CDKN2B-AS1: variants seen among roughly 807,000 people sequenced by gnomAD.
The protein encoded by CDKN2B-AS1 is CDKN2B antisense RNA 1 (non-protein coding).
chr9:22,036,927 A>G (rs1432716960), intron 1 of CDKN2B-AS1, among the ~76,000 whole-genome samples: 2 of 152,024 alleles, frequency 1.3e-5, no homozygotes, highest in East Asian at 1.9e-4. Context: ...CCAGATGTAG[A>G]ATGGGATTGA....
At chr9:22,055,015 G>C (rs1823498970) in intron 3 of CDKN2B-AS1, among the ~76,000 whole-genome samples, 1 of 152,172 alleles carries the variant, frequency 6.6e-6, no homozygotes, top group Admixed American at 6.5e-5. Flanking sequence ...GCCTCCCAAA[G>C]TGCTGGGATT....
intron 1 of CDKN2B-AS1, chr9:22,008,827 C>A (rs954368735): frequency 6.2e-7 from 1 of 1,608,100 alleles, no homozygotes; most frequent in Admixed American, 1.7e-5. Flanking sequence ...AAACGGTTGA[C>A]TCCGTTGGGA....
chr9:22,028,326 G>T (rs377509340), intron 1 of CDKN2B-AS1, among the ~76,000 whole-genome samples: 2 of 151,928 alleles, frequency 1.3e-5, no homozygotes, highest in Non-Finnish European at 2.9e-5. Flanking sequence ...AAAAACCTTG[G>T]CAGAGTTAAA....
chr9:22,075,606 G>A (rs944120820), intron 4 of CDKN2B-AS1, among the ~76,000 whole-genome samples: 20 of 152,244 alleles, frequency 1.3e-4, no homozygotes, highest in South Asian at 1.2e-3. Flanking sequence ...GATGGGAAGC[G>A]CCAATCTATC....
At chr9:22,111,533 A>T (rs1044226589) in intron 4 of CDKN2B-AS1, among the ~76,000 whole-genome samples, 2 of 152,080 alleles carry the variant, frequency 1.3e-5, no homozygotes, top group Non-Finnish European at 2.9e-5. Flanking sequence ...TCTTTCTTAC[A>T]AGTGATCAGA....
intron 4 of CDKN2B-AS1, among the ~76,000 whole-genome samples, chr9:22,076,971 C>G (rs1017847196): frequency 6.6e-6 from 1 of 152,156 alleles, no homozygotes; most frequent in Non-Finnish European, 1.5e-5. Flanking sequence ...AGGCATGAGC[C>G]ATCATGCCTG....
intron 4 of CDKN2B-AS1, among the ~76,000 whole-genome samples, chr9:22,076,679 C>A (rs1236640201): frequency 6.6e-6 from 1 of 152,022 alleles, no homozygotes; most frequent in Non-Finnish European, 1.5e-5. Context: ...ACGCAATACA[C>A]CATTTTTATT....
chr9:22,122,387 A>G (rs1826121312), intron 4 of CDKN2B-AS1, among the ~76,000 whole-genome samples: 1 of 152,150 alleles, frequency 6.6e-6, no homozygotes, highest in East Asian at 1.9e-4. Flanking sequence ...GCTGTACAAA[A>G]GCTATTTGGA....
intron 4 of CDKN2B-AS1, among the ~76,000 whole-genome samples, chr9:22,115,682 TA>T (rs1318292834): frequency 6.6e-6 from 1 of 152,174 alleles, no homozygotes; most frequent in Admixed American, 6.5e-5. Context: ...GTGCTCCCAT[TA>T]AGGTTCTTCC....
rs202049593 is a variant in CDKN2B-AS1 at position 22,108,945 on chromosome 9, T to TA, written n.439-18150dup. Reference sequence around the variant, plus strand: ...AAACCAAAAACAAAACAAAACAAAATAAAAAAAACCCCAAAACTGAAAGAT... The same window carrying TA: ...AAACCAAAAACAAAACAAAACAAAATAAAAAAAAACCCCAAAACTGAAAGAT... On this transcript the variant is annotated intron_variant and non_coding_transcript_variant, in intron 4 of 4. Coordinates refer to ENST00000650946, the Ensembl canonical transcript of CDKN2B-AS1. Among the ~76,000 whole-genome samples, 728 of 151,914 alleles carry TA rather than the reference T, an allele frequency of 4.8e-3. 8 individuals are homozygous for TA. Among genetic ancestry groups the TA allele is most frequent in the African/African-American group, 0.015 (618 of 41,446 alleles).
At chr9:22,031,314 A>T (rs987888867) in intron 1 of CDKN2B-AS1, among the ~76,000 whole-genome samples, 1 of 151,834 alleles carries the variant, frequency 6.6e-6, no homozygotes, top group African/African-American at 2.4e-5. Context: ...TAATCATCTC[A>T]AGTACCTCCA....
intron 4 of CDKN2B-AS1, among the ~76,000 whole-genome samples, chr9:22,099,813 T>C (rs1362115302): frequency 2.0e-5 from 3 of 152,144 alleles, no homozygotes; most frequent in African/African-American, 7.2e-5. Flanking sequence ...TGTGCATGGA[T>C]AGATGCACAT....
chr9:22,005,960 C>G lies in CDKN2B-AS1; in HGVS notation n.29+10799C>G. Reference sequence around the variant, plus strand: ...GGGAAATTGGGTAAGAAAATAAAGTCGTTGTGGGCGGCTGGGGAACCTGGC... The same window carrying G: ...GGGAAATTGGGTAAGAAAATAAAGTGGTTGTGGGCGGCTGGGGAACCTGGC... On this transcript the variant is annotated intron_variant and non_coding_transcript_variant, in intron 1 of 4. Transcript: ENST00000650946. The surrounding 1 kb of genome is among the most constrained non-coding windows in gnomAD (Gnocchi z 4.9). The G allele has an allele frequency of 6.3e-7, 1 of 1,598,336 alleles. No individual in the cohort carries two copies. Among genetic ancestry groups the G allele is most frequent in the Non-Finnish European group, 8.5e-7 (1 of 1,179,296 alleles).
intron 4 of CDKN2B-AS1, chr9:22,112,136 A>G (rs1342761898): frequency 6.6e-6 from 1 of 152,228 alleles, no homozygotes; most frequent in Non-Finnish European, 1.5e-5. Flanking sequence ...TACCAAGGTA[A>G]GAGAAGAAAC....
At chr9:22,108,028 T>C (rs371056196) in intron 4 of CDKN2B-AS1, among the ~76,000 whole-genome samples, 1 of 152,232 alleles carries the variant, frequency 6.6e-6, no homozygotes, top group South Asian at 2.1e-4. Context: ...TCTGACTATG[T>C]TTTCTTAAAC....
chr9:22,012,183 G>A, intron 1 of CDKN2B-AS1: 1 of 1,386,252 alleles, frequency 7.2e-7, no homozygotes, highest in South Asian at 1.2e-5. Flanking sequence ...ACCCTCACGG[G>A]CAAGACCATC....
chr9:22,019,905 G>C (rs888184661), intron 1 of CDKN2B-AS1, among the ~76,000 whole-genome samples: 2 of 152,114 alleles, frequency 1.3e-5, no homozygotes, highest in African/African-American at 4.8e-5. Context: ...ACATGTGCAG[G>C]TTTGTTACAT....
At chr9:22,051,982 A>T (rs1308921646) in intron 3 of CDKN2B-AS1, among the ~76,000 whole-genome samples, 2 of 152,130 alleles carry the variant, frequency 1.3e-5, no homozygotes, top group African/African-American at 2.4e-5. Context: ...TTTGTAATAA[A>T]ATCCATTTTA....
intron 4 of CDKN2B-AS1, among the ~76,000 whole-genome samples, chr9:22,114,479 A>C (rs1261904538): frequency 6.6e-6 from 1 of 152,194 alleles, no homozygotes. Context: ...TGTGGCTACT[A>C]TGTAAGACTC....
Sources: allele counts gnomAD v4.1 joint callset (sites outside exome capture counted in the v4.1 genomes callset), GRCh38; gene constraint gnomAD v4.1.1; non-coding constraint Gnocchi (gnomAD v3.1); transcripts MANE v1.5; gene names NCBI Gene and HGNC (gene_info 2026-07-23, HGNC 2026-07-21).